TENM3: variants seen among roughly 807,000 people sequenced by gnomAD.
The protein encoded by TENM3 is teneurin transmembrane protein 3.
In TENM3, 63 loss-of-function variants were observed where a neutral mutation model predicts 255.1. That is an observed-to-expected ratio of 0.25 (90% CI 0.20 to 0.30). The LOEUF (loss-of-function observed/expected upper bound fraction) is 0.30, where lower values mean the gene tolerates loss of function less well. Among genes scored for constraint, TENM3 ranks in the 10% least tolerant of loss-of-function variants. TENM3 has a pLI of 1.00. For missense variants in TENM3, 2,929 were observed against 3,461.1 expected (o/e 0.85, Z 3.86); for synonymous variants, 1,306 against 1,322.3 (o/e 0.99, Z 0.27).
the TENM3 span, among the ~76,000 whole-genome samples, chr4:181,701,474 C>T: frequency 6.6e-6 from 1 of 152,214 alleles, no homozygotes; most frequent in African/African-American, 2.4e-5. Context: ...ACCCTGTAGT[C>T]AGACGAGGTA....
intron 4 of TENM3, among the ~76,000 whole-genome samples, chr4:182,614,334 C>CTGG: frequency 6.6e-6 from 1 of 152,052 alleles, no homozygotes; most frequent in South Asian, 2.1e-4. Flanking sequence ...AGAATCAATC[C>CTGG]ATTTTGAACA....
the TENM3 span, among the ~76,000 whole-genome samples, chr4:182,134,680 C>T: frequency 6.6e-6 from 1 of 152,128 alleles, no homozygotes; most frequent in Non-Finnish European, 1.5e-5. Context: ...ATTCTTCTTT[C>T]CCCCAGTCTG....
the TENM3 span, among the ~76,000 whole-genome samples, chr4:181,930,747 C>A: frequency 6.6e-6 from 1 of 152,182 alleles, no homozygotes; most frequent in African/African-American, 2.4e-5. Flanking sequence ...CCCTGATGAA[C>A]ATTGATGCAA....
the TENM3 span, among the ~76,000 whole-genome samples, chr4:181,804,412 GCAGA>G: frequency 4.6e-5 from 7 of 152,270 alleles, no homozygotes; most frequent in East Asian, 9.7e-4. Context: ...TAAAGGGGAA[GCAGA>G]CAGACACACA....
At chr4:182,622,960 T>G (rs1196693829) in intron 4 of TENM3, among the ~76,000 whole-genome samples, 1 of 152,060 alleles carries the variant, frequency 6.6e-6, no homozygotes, top group African/African-American at 2.4e-5. Flanking sequence ...AAATGCAACT[T>G]TTAAAAATAT....
intron 1 of TENM3, among the ~76,000 whole-genome samples, chr4:182,186,472 A>G (rs1206108956): frequency 6.6e-6 from 1 of 151,904 alleles, no homozygotes; most frequent in Admixed American, 6.6e-5. Flanking sequence ...ATGTGTTTAT[A>G]TTTTTAATAA....
chr4:182,517,451 T>C (rs1738102295), intron 3 of TENM3, among the ~76,000 whole-genome samples: 1 of 126,254 alleles, frequency 7.9e-6, no homozygotes, highest in South Asian at 2.4e-4. Context: ...TGGTGCGATC[T>C]CGGCTCGCTG....
At chr4:181,887,755 C>T in the TENM3 span, among the ~76,000 whole-genome samples, 7 of 152,158 alleles carry the variant, frequency 4.6e-5, no homozygotes, top group Non-Finnish European at 8.8e-5. Context: ...ATTTTAAAGA[C>T]GAGATGCAGC....
At chr4:182,197,830 C>T (rs1753922504) in intron 1 of TENM3, among the ~76,000 whole-genome samples, 2 of 152,234 alleles carry the variant, frequency 1.3e-5, no homozygotes, top group Non-Finnish European at 2.9e-5. Context: ...GTGGGAAGGG[C>T]TCAGTGGCTC....
At position 182,490,457 on chromosome 4, in the gene TENM3, CA is replaced by C. The variant is rs548414293; in HGVS notation, c.512-110466del. On this transcript the variant is annotated intron_variant, in intron 3 of 27. Transcript: ENST00000511685. ...CTTGATGAGGGACAGTGCTGGGTGACAGTATCCTCAGTGCTCTCCTCTGCTG... is the reference window on the plus strand; with the variant it reads ...CTTGATGAGGGACAGTGCTGGGTGACGTATCCTCAGTGCTCTCCTCTGCTG... 4.3e-4 allele frequency among the ~76,000 whole-genome samples: 65 copies of C among 152,152 alleles called. 2 individuals carry two copies. The South Asian group carries it at 0.013, about 31-fold the overall frequency.
chr4:182,536,754 C>T (rs191474877), intron 3 of TENM3, among the ~76,000 whole-genome samples: 98 of 152,278 alleles, frequency 6.4e-4, no homozygotes, highest in Middle Eastern at 3.4e-3. Context: ...TCATGGTGAA[C>T]GTTTCTGTGA....
the TENM3 span, among the ~76,000 whole-genome samples, chr4:181,622,636 A>G: frequency 1.3e-5 from 2 of 152,198 alleles, no homozygotes; most frequent in Non-Finnish European, 2.9e-5. Context: ...AGATCGCGCC[A>G]CTGTACCCCA....
At chr4:181,969,881 C>CGTTAACGT in the TENM3 span, among the ~76,000 whole-genome samples, 26 of 152,170 alleles carry the variant, frequency 1.7e-4, 1 homozygote, top group Non-Finnish European at 3.2e-4. Flanking sequence ...GTATTTAATT[C>CGTTAACGT]GTTAACGTGT....
chr4:182,688,272 C>G lies in TENM3; in HGVS notation c.2142C>G (p.Pro714=), dbSNP rs779792841. ...GPACNQRACH[P]RCAEHGTCKD... ...CCTGTAATCAGAGAGCCTGCCACCC[C>G]CGCTGTGCCGAGCACGGGACCTGCA... Residue 714 remains proline (P), a synonymous_variant, in exon 12 of 28, where the codon CCC becomes CCG. Transcript: ENST00000511685. The G allele has an allele frequency of 6.2e-7, 1 of 1,613,806 alleles. No individual in the cohort carries two copies. Among genetic ancestry groups the G allele is most frequent in the African/African-American group, 1.3e-5 (1 of 74,912 alleles).
At chr4:182,098,802 A>G in the TENM3 span, among the ~76,000 whole-genome samples, 6 of 152,340 alleles carry the variant, frequency 3.9e-5, no homozygotes, top group East Asian at 9.7e-4. Context: ...TGTATATTTC[A>G]TAATAACTAG....
At chr4:182,599,061 A>T (rs1306002064) in intron 3 of TENM3, among the ~76,000 whole-genome samples, 1 of 152,000 alleles carries the variant, frequency 6.6e-6, no homozygotes, top group Non-Finnish European at 1.5e-5. Context: ...CTTTGTTTCT[A>T]TTCTGTTGAC....
chr4:181,692,216 G>T, the TENM3 span, among the ~76,000 whole-genome samples: 1 of 152,112 alleles, frequency 6.6e-6, no homozygotes, highest in South Asian at 2.1e-4. Flanking sequence ...AATCAACTTG[G>T]CAAATTTGGC....
Position 182,428,450 on chromosome 4 carries a change from T to C in TENM3, c.511+81521T>C, listed in dbSNP as rs921924494. 3.3e-5 allele frequency among the ~76,000 whole-genome samples: 5 copies of C among 152,078 alleles called. 1 individual carries two copies. The highest frequency in any genetic ancestry group is 4.2e-4 in the South Asian group (2 of 4,808). On this transcript the variant is annotated intron_variant, in intron 3 of 27. Transcript: ENST00000511685. ...CCACTGCTGACTGATGTTCCCATTT[T>C]ATCTCCACGTTCACTTTCCCAAAGA...
At chr4:182,637,900 A>G (rs908963516) in intron 5 of TENM3, among the ~76,000 whole-genome samples, 7 of 152,230 alleles carry the variant, frequency 4.6e-5, no homozygotes, top group African/African-American at 1.7e-4. Context: ...ATGTGTTTTG[A>G]CAAATGCTGA....
Sources: allele counts gnomAD v4.1 joint callset (sites outside exome capture counted in the v4.1 genomes callset), GRCh38; gene constraint gnomAD v4.1.1; transcripts MANE v1.5; gene names NCBI Gene and HGNC (gene_info 2026-07-23, HGNC 2026-07-21).